Variants in NTM observed in about 807,000 individuals in gnomAD.
NTM encodes the protein neurotrimin.
NTM carries 13 observed loss-of-function variants against 42.1 expected under a neutral mutation model. The observed-to-expected ratio is 0.31, with a 90% CI of 0.20 to 0.49. NTM has a LOEUF of 0.49. NTM is among the 20% of genes least tolerant of loss of function. The pLI, the probability that NTM is intolerant of heterozygous loss-of-function variation, is 0.99. For missense variants in NTM, 373 were observed against 452.8 expected, an observed-to-expected ratio of 0.82 and a Z score of 1.60; for synonymous variants, 187 against 179.2, an observed-to-expected ratio of 1.04 and a Z score of -0.35.
intron 2 of NTM, among the ~76,000 whole-genome samples, chr11:132,075,016 A>C (rs2058179532): frequency 6.6e-6 from 1 of 152,232 alleles, no homozygotes; most frequent in Non-Finnish European, 1.5e-5. Flanking sequence ...AGATGCATAC[A>C]GGGAATGCTG....
intron 1 of NTM, among the ~76,000 whole-genome samples, chr11:131,797,593 C>T (rs1421816372): frequency 6.6e-6 from 1 of 152,100 alleles, no homozygotes; most frequent in East Asian, 1.9e-4. Flanking sequence ...AGGCAAGAAT[C>T]CCTCAAATAT....
chr11:131,878,569 CAAAAAAAA>C (rs71475777), intron 1 of NTM, among the ~76,000 whole-genome samples: 3 of 5,860 alleles, frequency 5.1e-4, no homozygotes, highest in African/African-American at 9.7e-4. Flanking sequence ...GACTCCATCT[CAAAAAAAA>C]AAAAAAAAAA....
At chr11:131,622,011 A>G (rs1402891449) in intron 1 of NTM, among the ~76,000 whole-genome samples, 1 of 152,192 alleles carries the variant, frequency 6.6e-6, no homozygotes, top group Non-Finnish European at 1.5e-5. Context: ...ATGAGCCAGG[A>G]AAGCCACATT....
intron 1 of NTM, among the ~76,000 whole-genome samples, chr11:131,843,926 T>G (rs1415521422): frequency 1.3e-5 from 2 of 152,164 alleles, no homozygotes; most frequent in African/African-American, 4.8e-5. Flanking sequence ...ATGAATTCTT[T>G]TTTACATGCA....
chr11:131,874,052 T>C (rs1467449486), intron 1 of NTM, among the ~76,000 whole-genome samples: 2 of 92,472 alleles, frequency 2.2e-5, no homozygotes, highest in Non-Finnish European at 4.4e-5. Flanking sequence ...TATATATATA[T>C]ATATATATAT....
intron 1 of NTM, among the ~76,000 whole-genome samples, chr11:131,815,105 C>A (rs1448467533): frequency 6.6e-6 from 1 of 152,126 alleles, no homozygotes; most frequent in African/African-American, 2.4e-5. Context: ...GCTTCTGTCA[C>A]CCTCAGGATC....
At chr11:132,227,616 G>C (rs187893550) in intron 4 of NTM, among the ~76,000 whole-genome samples, 125 of 152,282 alleles carry the variant, frequency 8.2e-4, no homozygotes, top group South Asian at 1.0e-3. Flanking sequence ...ATAGGGGAAA[G>C]AGTTAGCCAA....
At chr11:131,545,037 G>A (rs924141706) in intron 1 of NTM, among the ~76,000 whole-genome samples, 19 of 152,140 alleles carry the variant, frequency 1.2e-4, no homozygotes, top group Non-Finnish European at 1.5e-5. Flanking sequence ...GGGGCTGCAA[G>A]GGTAATATGT....
chr11:131,438,433 T>A (rs1428407056), intron 1 of NTM, among the ~76,000 whole-genome samples: 1 of 152,226 alleles, frequency 6.6e-6, no homozygotes, highest in Non-Finnish European at 1.5e-5. Flanking sequence ...AGACGTAGAT[T>A]TGGTCTTTTC....
intron 1 of NTM, among the ~76,000 whole-genome samples, chr11:131,708,183 A>G (rs1229526522): frequency 1.3e-5 from 2 of 152,144 alleles, no homozygotes; most frequent in Non-Finnish European, 2.9e-5. Flanking sequence ...AAGCAATATA[A>G]CAAACCGTTA....
intron 1 of NTM, among the ~76,000 whole-genome samples, chr11:131,456,526 C>A (rs1412837611): frequency 1.3e-5 from 2 of 152,110 alleles, no homozygotes; most frequent in Non-Finnish European, 2.9e-5. Context: ...GCCCAGAAAG[C>A]CAGTGTGGCT....
chr11:131,734,721 C>T (rs1015178552), intron 1 of NTM, among the ~76,000 whole-genome samples: 1 of 152,180 alleles, frequency 6.6e-6, no homozygotes, highest in Non-Finnish European at 1.5e-5. Context: ...ATTGTTGCCA[C>T]TATGAACATC....
At chr11:132,271,968 T>C (rs1445207684) in intron 4 of NTM, among the ~76,000 whole-genome samples, 2 of 152,124 alleles carry the variant, frequency 1.3e-5, no homozygotes, top group Non-Finnish European at 2.9e-5. Flanking sequence ...AGGAAACCAT[T>C]CCAAGGTCAT....
chr11:131,508,233 C>G (rs2047747463), intron 1 of NTM, among the ~76,000 whole-genome samples: 2 of 145,188 alleles, frequency 1.4e-5, no homozygotes, highest in South Asian at 4.5e-4. Flanking sequence ...AGGACATGAA[C>G]AGACACTTCT....
At chr11:131,962,740 C>T (rs957891652) in intron 2 of NTM, among the ~76,000 whole-genome samples, 8 of 152,168 alleles carry the variant, frequency 5.3e-5, no homozygotes, top group African/African-American at 1.4e-4. Flanking sequence ...GACTGTGGAC[C>T]CTTGGGCTCA....
intron 1 of NTM, among the ~76,000 whole-genome samples, chr11:131,445,304 C>G (rs141325984): frequency 6.6e-6 from 1 of 152,316 alleles, no homozygotes; most frequent in Non-Finnish European, 1.5e-5. Flanking sequence ...TATCAGCACC[C>G]ACTGACACAT....
chr11:131,546,417 C>T (rs375262913), intron 1 of NTM, among the ~76,000 whole-genome samples: 3 of 152,188 alleles, frequency 2.0e-5, no homozygotes, highest in Non-Finnish European at 4.4e-5. Context: ...GGCATCCCAT[C>T]GCAAGAGACC....
At chr11:132,278,509 G>C (rs1395970195) in intron 4 of NTM, among the ~76,000 whole-genome samples, 1 of 152,042 alleles carries the variant, frequency 6.6e-6, no homozygotes, top group Non-Finnish European at 1.5e-5. Context: ...AGGTGGCTGG[G>C]TTTCTAGAAC....
chr11:132,256,433 T>C (rs2092474828), intron 4 of NTM, among the ~76,000 whole-genome samples: 1 of 152,154 alleles, frequency 6.6e-6, no homozygotes, highest in Non-Finnish European at 1.5e-5. Context: ...CTTGCACTGT[T>C]CGGCCTCTGC....
Sources: allele counts gnomAD v4.1 joint callset (sites outside exome capture counted in the v4.1 genomes callset), GRCh38; gene constraint gnomAD v4.1.1; transcripts MANE v1.5; gene names NCBI Gene and HGNC (gene_info 2026-07-23, HGNC 2026-07-21).